The following ERCC1 variants were observed in gnomAD, a reference collection of about 807,000 sequenced individuals.
ERCC1 encodes ERCC excision repair 1, endonuclease non-catalytic subunit, also known as DNA excision repair protein ERCC-1.
Under a neutral mutation model 37.6 loss-of-function variants are expected in ERCC1, and 36 were observed. The observed-to-expected ratio is 0.96, with a 90% confidence interval of 0.73 to 1.26. The LOEUF (loss-of-function observed/expected upper bound fraction) is 1.26. ERCC1 is among the 50% of genes most tolerant of loss of function. The pLI, the probability that ERCC1 is intolerant of heterozygous loss-of-function variation, is 0.00. For missense variants in ERCC1, 349 were observed against 376.5 expected (o/e 0.93, Z 0.60); for synonymous variants, 156 against 162.1 (o/e 0.96, Z 0.28).
intron 1 of ERCC1, chr19:45,450,554 G>A (rs570340939): frequency 1.3e-5 from 2 of 152,486 alleles, no homozygotes; most frequent in Non-Finnish European, 2.9e-5. Flanking sequence ...TGGATCAACT[G>A]AGTTCAGGAG....
Position 45,420,190 on chromosome 19 carries a change from GT to G in ERCC1, c.425+133del. 1 of 705,264 alleles carries G rather than the reference GT, an allele frequency of 1.4e-6. No homozygotes were observed. The highest frequency in any genetic ancestry group is 1.5e-5 in the South Asian group (1 of 66,932). The allele number at this position is 705,264 out of a possible 1,614,324, so 43.7% of individuals were successfully genotyped here. On this transcript the variant is annotated intron_variant, in intron 4 of 9. Transcript: ENST00000300853. This position sits in a 1 kb window ranked among gnomAD's most constrained non-coding sequence, Gnocchi z 4.8. ...CAAGACCCCCTGCCTCCAACACAGG[GT>G]CCCACCAAGGCCCAGAACCTGCAGG...
chr19:45,413,186 G>A (rs965927405), intron 9 of ERCC1, among the ~76,000 whole-genome samples: 1 of 152,172 alleles, frequency 6.6e-6, no homozygotes, highest in Non-Finnish European at 1.5e-5. Flanking sequence ...CATGCATTGA[G>A]GTCTTAGATT....
At chr19:45,437,460 T>C (rs1975010674) in intron 1 of ERCC1, among the ~76,000 whole-genome samples, 1 of 152,000 alleles carries the variant, frequency 6.6e-6, no homozygotes, top group Non-Finnish European at 1.5e-5. Flanking sequence ...TAAGTGTCCA[T>C]CAAGGGACAT....
chr19:45,411,232 A>G (rs1973717818), intron 9 of ERCC1, among the ~76,000 whole-genome samples: 5 of 152,140 alleles, frequency 3.3e-5, no homozygotes, highest in Admixed American at 6.6e-5. Context: ...AGTTTTGGCA[A>G]TGTGAACTGT....
At chr19:45,433,459 G>A (rs1055897386) in intron 1 of ERCC1, among the ~76,000 whole-genome samples, 2 of 152,250 alleles carry the variant, frequency 1.3e-5, no homozygotes, top group Admixed American at 1.3e-4. Flanking sequence ...CTGGGAGGTG[G>A]AGGTTGCAGT....
chr19:45,413,438 C>T, intron 9 of ERCC1: 1 of 756,112 alleles, frequency 1.3e-6, no homozygotes, highest in South Asian at 1.6e-5. Context: ...CCACCATGCC[C>T]AGCTAGTTTT....
upstream of ERCC1, among the ~76,000 whole-genome samples, chr19:45,428,057 C>CT (rs1170477400): frequency 7.0e-6 from 1 of 143,710 alleles, no homozygotes; most frequent in Non-Finnish European, 1.5e-5. Context: ...AGTTTCTTTT[C>CT]TTTTTTTCTT....
At chr19:45,443,590 G>A (rs1435919074) in intron 1 of ERCC1, among the ~76,000 whole-genome samples, 1 of 152,150 alleles carries the variant, frequency 6.6e-6, no homozygotes, top group African/African-American at 2.4e-5. Flanking sequence ...AGAGGAACCC[G>A]GGAGTCCAGA....
rs372255204 is a variant in ERCC1 at position 45,414,046 on chromosome 19, G to A, written c.703-12C>T. 1.9e-6 allele frequency: 3 copies of A among 1,610,422 alleles called. No individual in the cohort carries two copies. The highest frequency in any genetic ancestry group is 1.3e-5 in the African/African-American group (1 of 74,876). The stretch of plus-strand genomic sequence containing the variant: ...AGACATTCAGTCACCTGGAAAGGGT[G>A]GAGGCAGGAGTGTGTCGGAAGAAGA... On this transcript the variant is annotated splice_polypyrimidine_tract_variant and intron_variant, in intron 7 of 9. Coordinates refer to ENST00000300853, the MANE Select transcript of ERCC1 (RefSeq NM_001983.4).
upstream of ERCC1, among the ~76,000 whole-genome samples, chr19:45,426,011 A>C (rs910531534): frequency 6.6e-6 from 1 of 151,652 alleles, no homozygotes; most frequent in Non-Finnish European, 1.5e-5. Flanking sequence ...TGGGAGGCCT[A>C]GGCGGGTGGA....
chr19:45,442,336 GA>G lies in ERCC1; in HGVS notation c.-7-18956del, dbSNP rs960955337. ...GTCTCAAAAAAAAAAAAAAGAAAAA[GA>G]AAAAAAGTTTTGGTAACTACAAAAG... is the stretch of plus-strand genomic sequence containing the variant. On this transcript the variant is annotated intron_variant, in intron 1 of 8. Coordinates refer to the ERCC1 transcript ENST00000423698. Among the ~76,000 whole-genome samples, 126 of 100,710 alleles carry G rather than the reference GA, an allele frequency of 1.3e-3. 1 individual carries two copies. The highest frequency in any genetic ancestry group is 4.1e-3 in the African/African-American group (117 of 28,800). The allele number at this position is 100,710 out of a possible 152,430, so 66.1% of individuals were successfully genotyped here.
At position 45,408,827 on chromosome 19, in the gene ERCC1, A is replaced by G. The variant is rs372074228; in HGVS notation, c.*848T>C. 6.2e-7 allele frequency: 1 copy of G among 1,614,096 alleles called. No homozygotes were observed. Among genetic ancestry groups the G allele is most frequent in the Non-Finnish European group, 8.5e-7 (1 of 1,180,026 alleles). ...TCTAGAAGACACAGTCCTGTCCCCG[A>G]CCAAAAAGAGAAAGAGGCAAAAGGG... On this transcript the variant is annotated 3_prime_UTR_variant, in exon 10 of 10. Coordinates refer to ENST00000300853, the MANE Select transcript of ERCC1 (RefSeq NM_001983.4).
rs143986694 is a variant in ERCC1 at position 45,409,027 on chromosome 19, G to C, written c.*648C>G. ...AGGCGATGGAGCCAGTGGAGCCGGA[G>C]ATGAAGCCTCTGGAGTCCCCAGGGG... On this transcript the variant is annotated 3_prime_UTR_variant, in exon 10 of 10. Coordinates refer to ENST00000300853, the MANE Select transcript of ERCC1 (RefSeq NM_001983.4). 1.6e-5 allele frequency: 26 copies of C among 1,613,994 alleles called. No homozygotes were observed. The African/African-American group carries it at 3.2e-4, about 20-fold the overall frequency.
At chr19:45,426,311 G>A (rs762734988), upstream of ERCC1, among the ~76,000 whole-genome samples, 3 of 149,740 alleles carry the variant, frequency 2.0e-5, no homozygotes, top group Non-Finnish European at 3.0e-5. Context: ...CCTGGGAGGC[G>A]GAGGCTGCAG....
Position 45,408,411 on chromosome 19 carries a change from G to C in ERCC1, c.*1264C>G, listed in dbSNP as rs771934564. ...CAGATCCCTCCTGGCCTGAGGCCTC[G>C]GTTCTGTGCCTTTGGGGGCAACCCA... On this transcript the variant is annotated 3_prime_UTR_variant, in exon 10 of 10. Transcript: ENST00000300853. 4.3e-6 allele frequency: 7 copies of C among 1,613,348 alleles called. No individual in the cohort carries two copies.
In ERCC1 at chr19:45,408,488, A is replaced by G. The variant is rs1973484697; in HGVS notation, c.*1187T>C. ...GGCCCCCAACCTGCTCACCTCAGGG[A>G]AGAAGAAAAAGGAGATGCAGGTGAC... On this transcript the variant is annotated 3_prime_UTR_variant, in exon 10 of 10. Transcript: ENST00000300853. The G allele has an allele frequency of 6.2e-7, 1 of 1,614,010 alleles. No individual in the cohort carries two copies. The highest frequency in any genetic ancestry group is 1.3e-5 in the African/African-American group (1 of 75,048).
intron 1 of ERCC1, among the ~76,000 whole-genome samples, chr19:45,441,987 TTTTTA>T (rs1242663730): frequency 4.7e-5 from 7 of 149,172 alleles, no homozygotes; most frequent in Non-Finnish European, 8.8e-5. Flanking sequence ...CAGCACTTTT[TTTTTA>T]TTTTATTTTT....
At chr19:45,444,920 G>A (rs1364332819) in intron 1 of ERCC1, among the ~76,000 whole-genome samples, 2 of 152,196 alleles carry the variant, frequency 1.3e-5, no homozygotes, top group Non-Finnish European at 2.9e-5. Flanking sequence ...AGCAAATCAG[G>A]CTGTTCTGAC....
intron 1 of ERCC1, among the ~76,000 whole-genome samples, chr19:45,431,929 T>C (rs1209482675): frequency 6.6e-6 from 1 of 152,100 alleles, no homozygotes; most frequent in Non-Finnish European, 1.5e-5. Flanking sequence ...CATGGTTATT[T>C]TCATGTAAAA....
Sources: gnomAD v4.1 joint callset for allele counts (sites outside exome capture counted in the v4.1 genomes callset) on GRCh38, gnomAD v4.1.1 for gene constraint, Gnocchi (gnomAD v3.1) non-coding constraint, MANE v1.5 for transcripts, NCBI Gene and HGNC (gene_info 2026-07-23, HGNC 2026-07-21) for gene names.